The following CCDC90B variants were observed in gnomAD, a reference collection of about 807,000 sequenced individuals.
The protein encoded by CCDC90B is coiled-coil domain containing 90B, also known as coiled-coil domain-containing protein 90B, mitochondrial.
CCDC90B carries 24 observed loss-of-function variants against 37.0 expected under a neutral mutation model. The observed-to-expected ratio is 0.65, with a 90% confidence interval of 0.47 to 0.91. CCDC90B has a LOEUF of 0.91. CCDC90B is among the 40% of genes least tolerant of loss of function. The probability of loss-of-function intolerance (pLI) is 0.00; values close to 1 mark genes in which losing one functional copy is unlikely to be tolerated. For synonymous variants in CCDC90B, 113 were observed against 101.1 expected (o/e 1.12, Z -0.71); for missense variants, 319 against 299.0 (o/e 1.07, Z -0.49).
At chr11:83,282,383 A>G (rs779332171) in intron 1 of CCDC90B, among the ~76,000 whole-genome samples, 44 of 152,320 alleles carry the variant, frequency 2.9e-4, no homozygotes, top group Middle Eastern at 6.8e-3. Context: ...TAAGTTGAGG[A>G]CTGTCTGTAA....
chr11:83,283,056 T>A (rs981490981), intron 1 of CCDC90B, among the ~76,000 whole-genome samples: 3 of 87,998 alleles, frequency 3.4e-5, no homozygotes, highest in Non-Finnish European at 6.9e-5. Context: ...AAATATTTAT[T>A]AGGCTCTTTA....
At chr11:83,278,483 AATG>A (rs1391673368) in intron 3 of CCDC90B, among the ~76,000 whole-genome samples, 7 of 152,228 alleles carry the variant, frequency 4.6e-5, no homozygotes, top group Non-Finnish European at 7.4e-5. Context: ...AACACAATAT[AATG>A]ATCTCATCCC....
chr11:83,264,906 A>C (rs1481866351), intron 8 of CCDC90B, among the ~76,000 whole-genome samples: 1 of 143,806 alleles, frequency 7.0e-6, no homozygotes. Context: ...GGAACTGAAC[A>C]ATGAGAACAC....
At chr11:83,285,170 C>T (rs1408006193) in intron 1 of CCDC90B, 1 of 1,283,956 alleles carries the variant, frequency 7.8e-7, no homozygotes, top group Non-Finnish European at 1.0e-6. Flanking sequence ...TAAGAGGTGC[C>T]TATTCGCCTA....
At chr11:83,262,789 T>A (rs966150154) in intron 8 of CCDC90B, among the ~76,000 whole-genome samples, 1 of 152,214 alleles carries the variant, frequency 6.6e-6, no homozygotes, top group African/African-American at 2.4e-5. Context: ...ATAAGATCAT[T>A]TTCTCAGTTT....
Position 83,274,774 on chromosome 11 carries a change from A to T in CCDC90B, c.325-34T>A, listed in dbSNP as rs111997205. Reference sequence around the variant, plus strand: ...CAAAATAAAAATAACCTAGTGATCTATAGAAAGCCATCTTTTTATTTACAG... The same window carrying T: ...CAAAATAAAAATAACCTAGTGATCTTTAGAAAGCCATCTTTTTATTTACAG... On this transcript the variant is annotated intron_variant, in intron 3 of 8. Coordinates refer to ENST00000529689, the MANE Select transcript of CCDC90B (RefSeq NM_021825.5). 19 of 1,272,358 alleles carry T rather than the reference A, an allele frequency of 1.5e-5. No individual in the cohort carries two copies. In the African/African-American group the frequency reaches 2.8e-4, roughly 19 times the overall value. The allele number at this position is 1,272,358 out of a possible 1,614,324, so 78.8% of individuals were successfully genotyped here.
intron 1 of CCDC90B, among the ~76,000 whole-genome samples, chr11:83,280,493 C>T (rs984422880): frequency 6.6e-6 from 1 of 152,146 alleles, no homozygotes; most frequent in Non-Finnish European, 1.5e-5. Context: ...CTTTGGTATT[C>T]AGAAATGTTA....
Position 83,261,851 on chromosome 11 carries a change from A to C in CCDC90B, c.*60T>G, listed in dbSNP as rs373174461. The C allele has an allele frequency of 1.6e-6, 2 of 1,250,026 alleles. No homozygotes were observed. The highest frequency in any genetic ancestry group is 3.1e-5 in the African/African-American group (2 of 65,302). 77.4% of individuals were successfully genotyped at this position (1,250,026 alleles called of 1,614,324 possible). ...TGCTGCAACTGACAATGTTCAAAGT[A>C]AATCTCTCCCGGTTTGGTGTTCTAA... On this transcript the variant is annotated 3_prime_UTR_variant, in exon 9 of 9. Transcript: ENST00000529689.
intron 7 of CCDC90B, 110 bp from the exon 8 acceptor site, chr11:83,266,089 T>C: frequency 1.7e-6 from 1 of 598,214 alleles, no homozygotes; most frequent in Non-Finnish European, 2.9e-6. Flanking sequence ...ATAAAAGTCT[T>C]AGTTGGGGAA....
chr11:83,282,725 G>A (rs991008213), intron 1 of CCDC90B, among the ~76,000 whole-genome samples: 3 of 152,168 alleles, frequency 2.0e-5, no homozygotes, highest in Non-Finnish European at 4.4e-5. Context: ...CAGTCTGAAT[G>A]TTTCTTCCTC....
At chr11:83,283,579 T>G (rs1021347378) in intron 1 of CCDC90B, among the ~76,000 whole-genome samples, 1 of 152,238 alleles carries the variant, frequency 6.6e-6, no homozygotes, top group Non-Finnish European at 1.5e-5. Flanking sequence ...CATAAGGAAC[T>G]GGAAAAACCA....
rs1035235476 is a variant in CCDC90B, at chr11:83,270,388, A to G, written c.594+3259T>C. On this transcript the variant is annotated intron_variant, in intron 7 of 8. Coordinates refer to ENST00000529689, the MANE Select transcript of CCDC90B (RefSeq NM_021825.5). ...CCCTGTTTGCAGATGACATGATTGT[A>G]TATGTAGAAAACCCCACTGTCACAG... Among the ~76,000 whole-genome samples, 5 of 152,218 alleles carry G rather than the reference A, an allele frequency of 3.3e-5. No individual in the cohort carries two copies. In the East Asian group the frequency reaches 7.7e-4, roughly 23 times the overall value.
intron 1 of CCDC90B, among the ~76,000 whole-genome samples, chr11:83,281,023 G>T (rs1865353068): frequency 6.6e-6 from 1 of 152,138 alleles, no homozygotes; most frequent in Non-Finnish European, 1.5e-5. Flanking sequence ...ACACAGTAAA[G>T]ACCTTTTCTA....
At chr11:83,280,464 T>C (rs546723022) in intron 1 of CCDC90B, among the ~76,000 whole-genome samples, 3 of 152,218 alleles carry the variant, frequency 2.0e-5, no homozygotes, top group Non-Finnish European at 4.4e-5. Flanking sequence ...AAACATTCAA[T>C]AAATGTTTCT....
intron 8 of CCDC90B, 111 bp from the exon 9 acceptor site, chr11:83,262,077 A>G (rs1863959418): frequency 1.5e-6 from 1 of 677,484 alleles, no homozygotes; most frequent in African/African-American, 1.9e-5. Context: ...AATCCAACCA[A>G]TTTTCTATCC....
chr11:83,271,493 A>T (rs1364584588), intron 7 of CCDC90B, among the ~76,000 whole-genome samples: 1 of 152,256 alleles, frequency 6.6e-6, no homozygotes, highest in African/African-American at 2.4e-5. Context: ...ACATCTATGC[A>T]GCCAACAGAC....
chr11:83,285,906 G>C lies in CCDC90B; in HGVS notation c.67C>G (p.Pro23Ala), dbSNP rs774002129. ...AGGGCCGGCGAGAAATGCCCGCGGG[G>C]CCTTGAAACCCAACGATCTCCTCTG... Reference protein sequence around the residue: ...QGRGDRWVSRPRGHFSPALRR... With the variant: ...QGRGDRWVSRARGHFSPALRR... Residue 23 changes from proline to alanine, a missense_variant, in exon 1 of 9, where the codon CCC becomes GCC. Pro to Ala is a conservative substitution (Grantham distance 27). Coordinates refer to ENST00000529689, the MANE Select transcript of CCDC90B (RefSeq NM_021825.5). 6.2e-7 allele frequency: 1 copy of C among 1,613,382 alleles called. No homozygotes were observed. Among genetic ancestry groups the C allele is most frequent in the East Asian group, 2.2e-5 (1 of 44,884 alleles).
At chr11:83,266,230 C>A (rs546077438) in intron 7 of CCDC90B, among the ~76,000 whole-genome samples, 198 of 152,282 alleles carry the variant, frequency 1.3e-3, no homozygotes, top group Non-Finnish European at 7.9e-4. Context: ...AACTGAGGTA[C>A]CTGGTTCATC....
chr11:83,282,951 C>T (rs1356595987), intron 1 of CCDC90B, among the ~76,000 whole-genome samples: 1 of 152,230 alleles, frequency 6.6e-6, no homozygotes, highest in African/African-American at 2.4e-5. Context: ...TTTATTAGAA[C>T]ACAGCTCATT....
Sources: allele counts gnomAD v4.1 joint callset (sites outside exome capture counted in the v4.1 genomes callset), GRCh38; gene constraint gnomAD v4.1.1; transcripts MANE v1.5; gene names NCBI Gene and HGNC (gene_info 2026-07-23, HGNC 2026-07-21).